SPATA6: variants seen among roughly 807,000 people sequenced by gnomAD.
SPATA6 encodes spermatogenesis associated 6, also known as spermatogenesis-associated protein 6.
Under a neutral mutation model 65.3 loss-of-function variants are expected in SPATA6, and 56 were observed. That is an observed-to-expected ratio of 0.86 (90% CI 0.69 to 1.07). SPATA6 has a LOEUF of 1.07. Ranked by LOEUF, SPATA6 falls within the 50% of genes least tolerant of loss-of-function variation. The pLI is 0.00. For missense variants in SPATA6, 590 were observed against 594.8 expected, an observed-to-expected ratio of 0.99 and a Z score of 0.08; for synonymous variants, 199 against 213.2, an observed-to-expected ratio of 0.93 and a Z score of 0.58.
At chr1:48,351,966 A>G (rs942129224) in intron 11 of SPATA6, among the ~76,000 whole-genome samples, 3 of 152,074 alleles carry the variant, frequency 2.0e-5, no homozygotes, top group African/African-American at 7.2e-5. Flanking sequence ...ACAACCAGTA[A>G]TATTATTTCA....
chr1:48,305,906 C>A, intron 11 of SPATA6, 28 bp from the exon 12 acceptor site: 1 of 1,554,600 alleles, frequency 6.4e-7, no homozygotes, highest in Non-Finnish European at 8.9e-7. Flanking sequence ...TTTCCATTAA[C>A]TCACTGTCTC....
the SPATA6 span, among the ~76,000 whole-genome samples, chr1:48,280,592 AT>A: frequency 6.6e-6 from 1 of 152,262 alleles, no homozygotes; most frequent in Admixed American, 6.5e-5. Context: ...GAATAAATGG[AT>A]AAATTCCTCG....
At chr1:48,423,736 G>C (rs774045174) in intron 3 of SPATA6, among the ~76,000 whole-genome samples, 1 of 151,630 alleles carries the variant, frequency 6.6e-6, no homozygotes, top group Non-Finnish European at 1.5e-5. Context: ...AGTAGAGATG[G>C]GGTTTCCACC....
intron 11 of SPATA6, among the ~76,000 whole-genome samples, chr1:48,315,730 G>C (rs1432188297): frequency 6.6e-6 from 1 of 152,120 alleles, no homozygotes; most frequent in Non-Finnish European, 1.5e-5. Context: ...TATTCAATTA[G>C]GAAAAGAGGA....
chr1:48,282,031 G>A, the SPATA6 span, among the ~76,000 whole-genome samples: 14,801 of 151,982 alleles, frequency 0.097, 870 homozygotes, highest in South Asian at 0.17. Context: ...ATAACGCCAC[G>A]TATCTACAAC....
At chr1:48,341,352 G>A (rs1054760892) in intron 11 of SPATA6, among the ~76,000 whole-genome samples, 1 of 152,106 alleles carries the variant, frequency 6.6e-6, no homozygotes, top group African/African-American at 2.4e-5. Flanking sequence ...TAATTCATAA[G>A]TTTCATTCTG....
At chr1:48,283,693 A>AGAAAGAAAGAAAGAAAG in the SPATA6 span, among the ~76,000 whole-genome samples, 12 of 7,858 alleles carry the variant, frequency 1.5e-3, no homozygotes, top group Non-Finnish European at 2.6e-3. Flanking sequence ...AAAAAAAAAA[A>AGAAAGAAAGAAAGAAAG]AAAAAAAGAA....
intron 3 of SPATA6, among the ~76,000 whole-genome samples, chr1:48,424,406 A>C (rs1479361434): frequency 6.6e-6 from 1 of 152,216 alleles, no homozygotes; most frequent in African/African-American, 2.4e-5. Context: ...ATGGACGCTA[A>C]GTCCAAATCT....
At chr1:48,366,428 G>T (rs1380530260) in intron 9 of SPATA6, among the ~76,000 whole-genome samples, 1 of 152,106 alleles carries the variant, frequency 6.6e-6, no homozygotes, top group Non-Finnish European at 1.5e-5. Context: ...ATCTGGTCAT[G>T]GACTCTCTTT....
At chr1:48,354,716 T>C (rs1394439053) in intron 11 of SPATA6, among the ~76,000 whole-genome samples, 2 of 151,958 alleles carry the variant, frequency 1.3e-5, no homozygotes, top group South Asian at 2.1e-4. Context: ...ATATTATATC[T>C]TGCTGTTAGA....
intron 8 of SPATA6, among the ~76,000 whole-genome samples, chr1:48,394,179 A>C (rs1650349969): frequency 6.6e-6 from 1 of 152,144 alleles, no homozygotes; most frequent in South Asian, 2.1e-4. Flanking sequence ...AATCAAAATA[A>C]AAAGTTAAAA....
intron 6 of SPATA6, among the ~76,000 whole-genome samples, chr1:48,400,118 A>C (rs954550156): frequency 1.3e-5 from 2 of 151,908 alleles, no homozygotes; most frequent in African/African-American, 4.8e-5. Flanking sequence ...CCCTTCTGCT[A>C]TAATTATATA....
the SPATA6 span, among the ~76,000 whole-genome samples, chr1:48,277,091 GT>G: frequency 3.0e-5 from 4 of 135,462 alleles, no homozygotes; most frequent in Non-Finnish European, 4.7e-5. Context: ...GGCCTTCTTT[GT>G]TTTTTGCTTT....
At chr1:48,336,368 T>A (rs1437248865) in intron 11 of SPATA6, among the ~76,000 whole-genome samples, 1 of 151,980 alleles carries the variant, frequency 6.6e-6, no homozygotes, top group African/African-American at 2.4e-5. Flanking sequence ...AGCAAAGACA[T>A]GTAATCAATC....
the SPATA6 span, among the ~76,000 whole-genome samples, chr1:48,283,605 G>A: frequency 6.8e-6 from 1 of 147,294 alleles, no homozygotes; most frequent in Non-Finnish European, 1.5e-5. Context: ...CTTGAACCAG[G>A]GAGTCGGAGT....
At chr1:48,371,260 T>C (rs1038657138) in intron 9 of SPATA6, among the ~76,000 whole-genome samples, 1 of 137,174 alleles carries the variant, frequency 7.3e-6, no homozygotes, top group Non-Finnish European at 1.6e-5. Flanking sequence ...ATTCATTGAA[T>C]ATGTATCTAT....
At chr1:48,429,133 CA>C (rs796484656) in intron 3 of SPATA6, among the ~76,000 whole-genome samples, 337 of 132,426 alleles carry the variant, frequency 2.5e-3, no homozygotes, top group Middle Eastern at 7.8e-3. Context: ...CCAGGATGGG[CA>C]AAAAAAAAAA....
intron 9 of SPATA6, among the ~76,000 whole-genome samples, chr1:48,380,964 T>C (rs984110687): frequency 2.6e-5 from 4 of 152,184 alleles, no homozygotes; most frequent in African/African-American, 9.7e-5. Flanking sequence ...GGGGAGGATG[T>C]CTGGTTTCAG....
chr1:48,378,782 C>A (rs1648216082), intron 9 of SPATA6, among the ~76,000 whole-genome samples: 1 of 152,040 alleles, frequency 6.6e-6, no homozygotes, highest in Non-Finnish European at 1.5e-5. Context: ...GGGGACACAG[C>A]CAAACCATAT....
Sources: allele counts gnomAD v4.1 joint callset (sites outside exome capture counted in the v4.1 genomes callset), GRCh38; gene constraint gnomAD v4.1.1; transcripts MANE v1.5; gene names NCBI Gene and HGNC (gene_info 2026-07-23, HGNC 2026-07-21).